ARHGAP26: variants seen among roughly 807,000 people sequenced by gnomAD.
The protein encoded by ARHGAP26 is Rho GTPase activating protein 26.
Under a neutral mutation model 104.8 loss-of-function variants are expected in ARHGAP26, and 38 were observed. The observed-to-expected ratio is 0.36, with a 90% confidence interval of 0.28 to 0.48. The LOEUF is 0.48. Ranked by LOEUF, ARHGAP26 falls within the 20% of genes least tolerant of loss-of-function variation. ARHGAP26 has a pLI of 0.99. For synonymous variants in ARHGAP26, 341 were observed against 340.0 expected (o/e 1.00, Z -0.03); for missense variants, 704 against 947.9 (o/e 0.74, Z 3.38).
chr5:142,898,063 C>T (rs1759732875), intron 6 of ARHGAP26, among the ~76,000 whole-genome samples: 1 of 151,848 alleles, frequency 6.6e-6, no homozygotes, highest in African/African-American at 2.4e-5. Flanking sequence ...TATTATTGAC[C>T]TTCAGAAAAA....
chr5:143,143,147 A>G (rs1324500377), intron 19 of ARHGAP26, among the ~76,000 whole-genome samples: 3 of 152,170 alleles, frequency 2.0e-5, no homozygotes, highest in Non-Finnish European at 2.9e-5. Context: ...GTATTCTGAC[A>G]GAGTCCCATG....
chr5:143,156,717 C>T (rs566198863), intron 20 of ARHGAP26, among the ~76,000 whole-genome samples: 1 of 152,190 alleles, frequency 6.6e-6, no homozygotes, highest in Non-Finnish European at 1.5e-5. Context: ...ATCACCAGCA[C>T]CCTATGATTG....
intron 6 of ARHGAP26, among the ~76,000 whole-genome samples, chr5:142,898,913 A>G (rs1044959317): frequency 3.9e-5 from 6 of 152,314 alleles, no homozygotes; most frequent in East Asian, 3.9e-4. Flanking sequence ...AACAACAGAA[A>G]TCTGTTGTCT....
intron 5 of ARHGAP26, among the ~76,000 whole-genome samples, chr5:142,893,017 G>A (rs1264796832): frequency 6.9e-5 from 8 of 115,108 alleles, no homozygotes; most frequent in East Asian, 2.5e-4. Context: ...ACAGAGTCTC[G>A]CTCTGTCACC....
At chr5:142,935,482 T>G (rs530828632) in intron 11 of ARHGAP26, among the ~76,000 whole-genome samples, 21 of 152,290 alleles carry the variant, frequency 1.4e-4, no homozygotes, top group African/African-American at 4.6e-4. Flanking sequence ...CAGTAAAACT[T>G]TATTATTTAC....
chr5:143,020,201 G>T (rs1235262832), intron 12 of ARHGAP26, among the ~76,000 whole-genome samples: 2 of 152,116 alleles, frequency 1.3e-5, no homozygotes, highest in South Asian at 2.1e-4. Flanking sequence ...TTCCATCTTG[G>T]CCTCCCAAAG....
At chr5:143,117,928 C>T (rs969293319) in intron 17 of ARHGAP26, among the ~76,000 whole-genome samples, 1 of 152,224 alleles carries the variant, frequency 6.6e-6, no homozygotes, top group Non-Finnish European at 1.5e-5. Context: ...CATTGTGCAC[C>T]TCCTGTGCCA....
intron 6 of ARHGAP26, among the ~76,000 whole-genome samples, chr5:142,898,471 G>A (rs1401677036): frequency 2.0e-5 from 3 of 152,072 alleles, no homozygotes; most frequent in Admixed American, 2.0e-4. Context: ...AATATTTCTT[G>A]GTGCAGTGTC....
At chr5:142,965,036 A>G (rs1771063365) in intron 11 of ARHGAP26, among the ~76,000 whole-genome samples, 1 of 152,194 alleles carries the variant, frequency 6.6e-6, no homozygotes, top group Non-Finnish European at 1.5e-5. Context: ...CCACTGGACA[A>G]GGGGCCCTTC....
intron 11 of ARHGAP26, among the ~76,000 whole-genome samples, chr5:142,954,738 G>A (rs991535257): frequency 2.6e-5 from 4 of 152,328 alleles, no homozygotes; most frequent in African/African-American, 9.6e-5. Context: ...CAACTCAGAT[G>A]TGTTTCAGGT....
intron 12 of ARHGAP26, among the ~76,000 whole-genome samples, chr5:143,025,967 G>GAA (rs3836775): frequency 0.12 from 17,383 of 150,992 alleles, 1,383 homozygotes; most frequent in South Asian, 0.28. Context: ...AAGAAACAAT[G>GAA]AAAAAAAAAT....
intron 11 of ARHGAP26, among the ~76,000 whole-genome samples, chr5:142,954,036 C>G (rs186763796): frequency 1.3e-5 from 2 of 152,286 alleles, no homozygotes; most frequent in Admixed American, 1.3e-4. Flanking sequence ...ATATATGGCA[C>G]GCAAGTATGC....
At chr5:142,852,852 G>C (rs1041437669) in intron 1 of ARHGAP26, among the ~76,000 whole-genome samples, 1 of 152,198 alleles carries the variant, frequency 6.6e-6, no homozygotes, top group Non-Finnish European at 1.5e-5. Context: ...GTGTCGCTCT[G>C]CCTGCAGTCA....
intron 10 of ARHGAP26, among the ~76,000 whole-genome samples, chr5:142,931,314 G>A (rs1473920838): frequency 6.6e-6 from 1 of 152,086 alleles, no homozygotes; most frequent in Non-Finnish European, 1.5e-5. Flanking sequence ...TCGTTTTTAT[G>A]GCGCAGTCTC....
chr5:143,209,129 G>A (rs1326839365), intron 21 of ARHGAP26, among the ~76,000 whole-genome samples: 1 of 152,078 alleles, frequency 6.6e-6, no homozygotes, highest in Non-Finnish European at 1.5e-5. Flanking sequence ...TGGCCCTTTG[G>A]ACAAAATGGG....
At chr5:143,056,733 G>A (rs1785881249) in intron 16 of ARHGAP26, among the ~76,000 whole-genome samples, 1 of 152,106 alleles carries the variant, frequency 6.6e-6, no homozygotes, top group South Asian at 2.1e-4. Flanking sequence ...TTTAAATCCA[G>A]CATGAATCTT....
chr5:142,994,262 T>C (rs914390350), intron 11 of ARHGAP26, among the ~76,000 whole-genome samples: 5 of 152,182 alleles, frequency 3.3e-5, no homozygotes, highest in Non-Finnish European at 7.3e-5. Context: ...ATAGAAGGGC[T>C]TCCTTGGCAA....
At chr5:143,082,009 CAAAAAAA>C (rs71576162) in intron 17 of ARHGAP26, among the ~76,000 whole-genome samples, 1 of 38,276 alleles carries the variant, frequency 2.6e-5, no homozygotes, top group Non-Finnish European at 5.9e-5. Flanking sequence ...GACTCCATCT[CAAAAAAA>C]AAAAAAAAAA....
chr5:142,870,249 T>G (rs1755083677), intron 1 of ARHGAP26, among the ~76,000 whole-genome samples: 1 of 152,220 alleles, frequency 6.6e-6, no homozygotes, highest in African/African-American at 2.4e-5. Flanking sequence ...GATTCCTGTG[T>G]GCATCAGAGG....
Sources: allele counts gnomAD v4.1 joint callset (sites outside exome capture counted in the v4.1 genomes callset), GRCh38; gene constraint gnomAD v4.1.1; transcripts MANE v1.5; gene names NCBI Gene and HGNC (gene_info 2026-07-23, HGNC 2026-07-21).